MROH9: variants seen among roughly 807,000 people sequenced by gnomAD.
MROH9 encodes the protein maestro heat like repeat family member 9.
In MROH9, 92 loss-of-function variants were observed where a neutral mutation model predicts 98.2. The ratio of observed to expected loss-of-function variants is 0.94; its 90% CI spans 0.79 to 1.11. The LOEUF (loss-of-function observed/expected upper bound fraction) is 1.11, where lower values mean the gene tolerates loss of function less well. Ranked by LOEUF, MROH9 falls within the 50% of genes most tolerant of loss-of-function variation. The pLI is 0.00. For synonymous variants in MROH9, 397 were observed against 368.9 expected, an observed-to-expected ratio of 1.08 and a Z score of -0.87; for missense variants, 1,057 against 1,014.8, an observed-to-expected ratio of 1.04 and a Z score of -0.57.
chr1:171,048,227 C>T (rs538608267), intron 20 of MROH9, among the ~76,000 whole-genome samples: 9 of 152,308 alleles, frequency 5.9e-5, no homozygotes, highest in African/African-American at 2.2e-4. Flanking sequence ...GCCTGTGTTC[C>T]TCCCTTCAGA....
chr1:171,010,328 G>C lies in MROH9; in HGVS notation c.1597-3789G>C, dbSNP rs141979598. Among the ~76,000 whole-genome samples, 262 of 152,248 alleles carry C rather than the reference G, an allele frequency of 1.7e-3. 5 individuals are homozygous for C. The East Asian group carries it at 0.047, about 27-fold the overall frequency. ...ATATGTGCCACATTTTCTTTATCCA[G>C]TCTATTGTTGATGGACATTTGGGTT... is the stretch of plus-strand genomic sequence containing the variant. On this transcript the variant is annotated intron_variant, in intron 15 of 21. Transcript: ENST00000367759.
At chr1:170,981,097 T>C (rs892843035) in intron 8 of MROH9, among the ~76,000 whole-genome samples, 2 of 152,130 alleles carry the variant, frequency 1.3e-5, no homozygotes, top group African/African-American at 4.8e-5. Flanking sequence ...GAATGGTGAT[T>C]ATTCAAAAAT....
intron 1 of MROH9, among the ~76,000 whole-genome samples, chr1:170,937,774 C>T (rs1190241855): frequency 6.6e-6 from 1 of 152,172 alleles, no homozygotes; most frequent in Non-Finnish European, 1.5e-5. Context: ...CCGCCCGCCT[C>T]GGCCTCCCAA....
rs1652252381 is a variant in MROH9 at position 171,014,166 on chromosome 1, T to C, written c.1646T>C (p.Leu549Pro). 2 of 1,551,006 alleles carry C rather than the reference T, an allele frequency of 1.3e-6. No homozygotes were observed. Among genetic ancestry groups the C allele is most frequent in the African/African-American group, 2.7e-5 (2 of 73,030 alleles). ...CCTTTACCAGAAGAATTTTTGGTCC[T>C]CTTCATAAACTGGATCAATGATTCC... ...KDPLPEEFLV[L>P]FINWINDSNP... The change falls in exon 16 of 22, where the codon CTC becomes CCC. Residue 549 changes from leucine to proline, a missense_variant. Leu to Pro is a moderately conservative substitution (Grantham distance 98). Coordinates refer to ENST00000367759, the MANE Select transcript of MROH9 (RefSeq NM_001163629.2).
rs551073888 is a variant in MROH9 at position 171,026,432 on chromosome 1, G to A, written c.2281+1012G>A. On this transcript the variant is annotated intron_variant, in intron 20 of 21. Coordinates refer to ENST00000367759, the MANE Select transcript of MROH9 (RefSeq NM_001163629.2). The stretch of plus-strand genomic sequence containing the variant: ...TGGGATTATAGGCATGAGCCACCAC[G>A]CCTGGCTATTCTTGTATTTTTAGTA... Among the ~76,000 whole-genome samples, 75 of 152,044 alleles carry A rather than the reference G, an allele frequency of 4.9e-4. 1 individual carries two copies. The South Asian group carries it at 0.014, about 27-fold the overall frequency.
At chr1:171,027,941 C>A (rs571572531) in intron 20 of MROH9, among the ~76,000 whole-genome samples, 2 of 152,018 alleles carry the variant, frequency 1.3e-5, no homozygotes, top group African/African-American at 4.8e-5. Flanking sequence ...GGATATTAGA[C>A]CTTTGTCAGA....
chr1:170,972,689 G>A (rs1205826615), intron 8 of MROH9, among the ~76,000 whole-genome samples: 2 of 151,680 alleles, frequency 1.3e-5, no homozygotes, highest in Non-Finnish European at 2.9e-5. Flanking sequence ...GCAGGCACCT[G>A]TAATCCCAGC....
chr1:171,036,283 G>C (rs1382045629), intron 20 of MROH9, among the ~76,000 whole-genome samples: 12 of 152,072 alleles, frequency 7.9e-5, no homozygotes, highest in Non-Finnish European at 7.4e-5. Flanking sequence ...CTTGACCTTA[G>C]ATGTGGTCAC....
chr1:170,962,113 G>A (rs962092171), intron 6 of MROH9, 137 bp downstream of exon 6: 6 of 540,506 alleles, frequency 1.1e-5, no homozygotes, highest in South Asian at 1.0e-4. Flanking sequence ...CCACAGAAGA[G>A]TGAAATGTAG....
intron 17 of MROH9, among the ~76,000 whole-genome samples, chr1:171,020,352 C>T (rs371343447): frequency 5.9e-5 from 9 of 152,190 alleles, no homozygotes; most frequent in East Asian, 5.8e-4. Flanking sequence ...AATATTGATG[C>T]GAAAATCCTC....
intron 3 of MROH9, 29 bp from the exon 4 acceptor site, chr1:170,958,432 T>TTC (rs754234438): frequency 3.8e-5 from 34 of 899,434 alleles, no homozygotes; most frequent in African/African-American, 5.8e-5. Context: ...AATTCTTCTT[T>TTC]TTTTTTTTTT....
intron 11 of MROH9, 149 bp from the exon 12 acceptor site, chr1:170,992,015 T>C (rs768833776): frequency 2.6e-5 from 17 of 662,240 alleles, no homozygotes; most frequent in East Asian, 1.3e-4. Context: ...CATTTGGAAA[T>C]AGGAATCTCA....
At chr1:171,027,513 A>G (rs950031749) in intron 20 of MROH9, among the ~76,000 whole-genome samples, 1 of 152,186 alleles carries the variant, frequency 6.6e-6, no homozygotes, top group Non-Finnish European at 1.5e-5. Context: ...TGCAATAAAC[A>G]TACATGTGCA....
chr1:171,043,434 G>A lies in MROH9; in HGVS notation c.2281+18014G>A, dbSNP rs145794526. Among the ~76,000 whole-genome samples the A allele has an allele frequency of 1.2e-3, 185 of 151,772 alleles. 1 individual carries two copies. Among genetic ancestry groups the A allele is most frequent in the African/African-American group, 4.2e-3 (173 of 41,446 alleles). Reference sequence around the variant, plus strand: ...GTGATTCCTCCAGTTTTGTTTTTTTGGTTTAGGATAGCTTTGGCTATTCTG... The same window carrying A: ...GTGATTCCTCCAGTTTTGTTTTTTTAGTTTAGGATAGCTTTGGCTATTCTG... On this transcript the variant is annotated intron_variant, in intron 20 of 21. Transcript: ENST00000367759.
chr1:170,935,981 A>AC (rs1648862981), intron 1 of MROH9, among the ~76,000 whole-genome samples: 1 of 100,496 alleles, frequency 1.0e-5, no homozygotes. Flanking sequence ...ACAGAGTGAG[A>AC]CAAAAAAAAA....
chr1:171,063,236 A>G (rs1016455958), intron 21 of MROH9, among the ~76,000 whole-genome samples: 6 of 146,232 alleles, frequency 4.1e-5, no homozygotes, highest in African/African-American at 7.6e-5. Flanking sequence ...ACATTTTGGT[A>G]TATGTATTAT....
At chr1:171,008,234 G>A (rs1474213812) in intron 15 of MROH9, among the ~76,000 whole-genome samples, 1 of 152,034 alleles carries the variant, frequency 6.6e-6, no homozygotes, top group Non-Finnish European at 1.5e-5. Context: ...TTTTGACAGT[G>A]AACAACATAA....
At chr1:170,948,498 C>T (rs1392272225) in intron 3 of MROH9, among the ~76,000 whole-genome samples, 1 of 151,954 alleles carries the variant, frequency 6.6e-6, no homozygotes, top group Non-Finnish European at 1.5e-5. Context: ...CAGAAAGATG[C>T]AGTTTAGAAT....
intron 20 of MROH9, among the ~76,000 whole-genome samples, chr1:171,053,627 A>G (rs1438817013): frequency 6.6e-6 from 1 of 152,264 alleles, no homozygotes; most frequent in Non-Finnish European, 1.5e-5. Context: ...AATAGTAGAT[A>G]TAGAATGAAT....
Sources: gnomAD v4.1 joint callset for allele counts (sites outside exome capture counted in the v4.1 genomes callset) on GRCh38, gnomAD v4.1.1 for gene constraint, MANE v1.5 for transcripts, NCBI Gene and HGNC (gene_info 2026-07-23, HGNC 2026-07-21) for gene names.